The following UCHL5 variants were observed in gnomAD, a reference collection of about 807,000 sequenced individuals.
UCHL5 encodes the protein ubiquitin carboxyl-terminal hydrolase isozyme L5.
A neutral mutation model predicts 53.8 loss-of-function variants in UCHL5; 34 were observed. The ratio of observed to expected loss-of-function variants is 0.63; its 90% CI spans 0.48 to 0.84. The LOEUF (loss-of-function observed/expected upper bound fraction) is 0.84. Ranked by LOEUF, UCHL5 falls within the 40% of genes least tolerant of loss-of-function variation. The pLI is 0.00. For missense variants in UCHL5, 290 were observed against 385.6 expected, an observed-to-expected ratio of 0.75 and a Z score of 2.08; for synonymous variants, 111 against 126.3, an observed-to-expected ratio of 0.88 and a Z score of 0.81.
At chr1:193,050,749 GA>G (rs1297724363) in intron 2 of UCHL5, among the ~76,000 whole-genome samples, 1 of 131,848 alleles carries the variant, frequency 7.6e-6, no homozygotes, top group Non-Finnish European at 1.7e-5. Flanking sequence ...GTTTCAAAAA[GA>G]AAAAGAAAAA....
At position 193,016,286 on chromosome 1, in the gene UCHL5, T is replaced by C; in HGVS notation, c.*65A>G. ...AATTAGGATGTTGCTCTAAGTTCTT[T>C]ATACATAATGGTTTCCATGAAAATA... is the stretch of plus-strand genomic sequence containing the variant. On this transcript the variant is annotated 3_prime_UTR_variant, in exon 11 of 11. Coordinates refer to ENST00000367454, the MANE Select transcript of UCHL5 (RefSeq NM_001199261.3). The C allele has an allele frequency of 1.3e-6, 2 of 1,575,716 alleles. No individual in the cohort carries two copies. Among genetic ancestry groups the C allele is most frequent in the Non-Finnish European group, 1.7e-6 (2 of 1,163,260 alleles).
intron 10 of UCHL5, chr1:193,020,129 A>G (rs949189195): frequency 1.0e-6 from 1 of 984,896 alleles, no homozygotes; most frequent in Non-Finnish European, 1.2e-6. Context: ...AGTCTTCTGC[A>G]ATAATTTTTA....
At position 193,014,223 on chromosome 1, in the gene UCHL5, C is replaced by G. The variant is rs931834360; in HGVS notation, c.*2128G>C. The G allele has an allele frequency of 6.6e-5, 10 of 152,042 alleles. No individual in the cohort carries two copies. The highest frequency in any genetic ancestry group is 2.4e-4 in the African/African-American group (10 of 41,398). The allele number at this position is 152,042 out of a possible 1,614,324, so 9.4% of individuals were successfully genotyped here. On this transcript the variant is annotated 3_prime_UTR_variant, in exon 11 of 11. Coordinates refer to ENST00000367454, the MANE Select transcript of UCHL5 (RefSeq NM_001199261.3). ...AAACCAGCAACATATAGCACCCAGA[C>G]AAGTCACACTTCTTTATTCACAGAC...
chr1:193,059,737 G>A, upstream of UCHL5: 1 of 1,354,144 alleles, frequency 7.4e-7, no homozygotes, highest in Non-Finnish European at 9.8e-7. This position sits in a 1 kb window ranked among gnomAD's most constrained non-coding sequence, Gnocchi z 4.9. Context: ...GACTTCTCCT[G>A]GCGGCGCTGC....
intron 3 of UCHL5, among the ~76,000 whole-genome samples, chr1:193,040,083 G>A (rs1052162407): frequency 2.0e-5 from 3 of 151,964 alleles, no homozygotes; most frequent in East Asian, 1.9e-4. Context: ...AACACTGGTC[G>A]GGGCAAAAAT....
At position 193,012,492 on chromosome 1, in the gene UCHL5, C is replaced by T. The variant is rs1654300228; in HGVS notation, c.*3859G>A. 6.6e-6 allele frequency: 1 copy of T among 152,148 alleles called. No homozygotes were observed. The highest frequency in any genetic ancestry group is 1.5e-5 in the Non-Finnish European group (1 of 68,030). 9.4% of individuals were successfully genotyped at this position (152,148 alleles called of 1,614,324 possible). On this transcript the variant is annotated 3_prime_UTR_variant, in exon 11 of 11. Coordinates refer to ENST00000367454, the MANE Select transcript of UCHL5 (RefSeq NM_001199261.3). Reference sequence around the variant, plus strand: ...CTTAATTATTGCACATTGGTTCTGCCTATATGCCTATATGCAATCCACTTG... The same window carrying T: ...CTTAATTATTGCACATTGGTTCTGCTTATATGCCTATATGCAATCCACTTG...
chr1:193,024,006 A>G, intron 7 of UCHL5, 60 bp from the exon 8 acceptor site: 1 of 1,213,322 alleles, frequency 8.2e-7, no homozygotes, highest in South Asian at 1.4e-5. Flanking sequence ...ATTACCGTTA[A>G]GATAATCCAT....
At chr1:193,047,932 A>C (rs1667866058) in intron 3 of UCHL5, among the ~76,000 whole-genome samples, 1 of 152,226 alleles carries the variant, frequency 6.6e-6, no homozygotes, top group South Asian at 2.1e-4. Context: ...GTTTTACTAA[A>C]AAAAAGTCTT....
chr1:193,015,467 T>A lies in UCHL5; in HGVS notation c.*884A>T, dbSNP rs573211547. 1 of 152,184 alleles carries A rather than the reference T, an allele frequency of 6.6e-6. No individual in the cohort carries two copies. The highest frequency in any genetic ancestry group is 2.4e-5 in the African/African-American group (1 of 41,566). The allele number at this position is 152,184 out of a possible 1,614,324, so 9.4% of individuals were successfully genotyped here. ...AAAAATCAATTGTGAGCAAATTACA[T>A]ATGGCTCTTGAAAACTGCAGGCTGT... On this transcript the variant is annotated 3_prime_UTR_variant, in exon 11 of 11. Transcript: ENST00000367454.
intron 10 of UCHL5, among the ~76,000 whole-genome samples, chr1:193,019,440 T>G (rs1263320096): frequency 6.6e-6 from 1 of 151,684 alleles, no homozygotes; most frequent in Non-Finnish European, 1.5e-5. Flanking sequence ...GAGTCTAAGC[T>G]CCTTCAGAAC....
At chr1:193,043,169 A>AAAAAAAAC (rs1666248305) in intron 3 of UCHL5, among the ~76,000 whole-genome samples, 1 of 147,712 alleles carries the variant, frequency 6.8e-6, no homozygotes, top group Non-Finnish European at 1.5e-5. Flanking sequence ...AAAAAAAAAA[A>AAAAAAAAC]AAAAAAACCA....
intron 10 of UCHL5, among the ~76,000 whole-genome samples, chr1:193,019,457 GAAT>G (rs1408493435): frequency 6.6e-6 from 1 of 151,534 alleles, no homozygotes; most frequent in Non-Finnish European, 1.5e-5. Context: ...GAACCTAGGA[GAAT>G]AATAGTTATT....
intron 6 of UCHL5, 71 bp from the exon 7 acceptor site, chr1:193,028,219 G>A (rs950811207): frequency 1.5e-6 from 2 of 1,315,074 alleles, no homozygotes; most frequent in Non-Finnish European, 2.1e-6. Context: ...GCAAAAGTTT[G>A]GCCCAAAATA....
rs748444193 is a variant in UCHL5, at chr1:193,015,318, TAAAG to T, written c.*1029_*1032del. On this transcript the variant is annotated 3_prime_UTR_variant, in exon 11 of 11. Transcript: ENST00000367454. ...GTATCAACCTCAGAAATATTCTTGA[TAAAG>T]AAAAAAGTAGGTTACTTCCTTTAAA... 1 of 151,950 alleles carries T rather than the reference TAAAG, an allele frequency of 6.6e-6. No homozygotes were observed. Among genetic ancestry groups the T allele is most frequent in the Non-Finnish European group, 1.5e-5 (1 of 67,894 alleles). 9.4% of individuals were successfully genotyped at this position (151,950 alleles called of 1,614,324 possible).
intron 10 of UCHL5, chr1:193,018,874 C>T: frequency 6.7e-7 from 1 of 1,496,016 alleles, no homozygotes; most frequent in Non-Finnish European, 9.0e-7. Context: ...TTTCTGAATT[C>T]TATAGGTAAT....
intron 3 of UCHL5, among the ~76,000 whole-genome samples, chr1:193,030,125 C>G (rs1416998962): frequency 6.6e-6 from 1 of 152,182 alleles, no homozygotes; most frequent in Non-Finnish European, 1.5e-5. Context: ...AATTCCCAAA[C>G]AGGGTATACA....
intron 3 of UCHL5, among the ~76,000 whole-genome samples, chr1:193,040,515 A>C (rs915283322): frequency 1.3e-5 from 2 of 152,236 alleles, no homozygotes; most frequent in African/African-American, 4.8e-5. Context: ...GATGTGGAGA[A>C]AGGGGAACCC....
chr1:193,023,793 C>G, intron 8 of UCHL5, 51 bp downstream of exon 8: 1 of 1,359,842 alleles, frequency 7.4e-7, no homozygotes, highest in Non-Finnish European at 1.0e-6. Context: ...AATACTTTTC[C>G]TGAGAGAATA....
chr1:193,035,668 G>C (rs1024222380), intron 3 of UCHL5, among the ~76,000 whole-genome samples: 2 of 151,960 alleles, frequency 1.3e-5, no homozygotes, highest in East Asian at 1.9e-4. Context: ...AAATCCACTG[G>C]TAAAAGTAAA....
Sources: allele counts gnomAD v4.1 joint callset (sites outside exome capture counted in the v4.1 genomes callset), GRCh38; gene constraint gnomAD v4.1.1; non-coding constraint Gnocchi (gnomAD v3.1); transcripts MANE v1.5; gene names NCBI Gene and HGNC (gene_info 2026-07-23, HGNC 2026-07-21).